Variants in DIP2C observed in about 807,000 individuals in gnomAD.
DIP2C encodes DIP2 acetate--CoA ligase C (putative), also known as disco-interacting protein 2 homolog C.
DIP2C carries 33 observed loss-of-function variants against 192.4 expected under a neutral mutation model. The observed-to-expected ratio is 0.17, with a 90% CI of 0.13 to 0.23. The LOEUF (loss-of-function observed/expected upper bound fraction) is 0.23, where lower values mean the gene tolerates loss of function less well. DIP2C is among the 10% of genes least tolerant of loss of function. The pLI, the probability that DIP2C is intolerant of heterozygous loss-of-function variation, is 1.00. For synonymous variants in DIP2C, 979 were observed against 864.1 expected, an observed-to-expected ratio of 1.13 and a Z score of -2.33; for missense variants, 1,537 against 2,110.1, an observed-to-expected ratio of 0.73 and a Z score of 5.32.
chr10:413,217 G>GA (rs562155392), intron 8 of DIP2C, among the ~76,000 whole-genome samples: 299 of 152,208 alleles, frequency 2.0e-3, no homozygotes, highest in African/African-American at 6.3e-3. Context: ...CTTATCCACA[G>GA]AAAAAAGAGA....
intron 4 of DIP2C, among the ~76,000 whole-genome samples, chr10:430,074 G>A (rs925470926): frequency 2.0e-5 from 3 of 152,150 alleles, no homozygotes; most frequent in Non-Finnish European, 4.4e-5. Flanking sequence ...TCTGGATTCT[G>A]GGCATTCTAA....
At chr10:282,897 C>G (rs1054313417) in intron 35 of DIP2C, among the ~76,000 whole-genome samples, 3 of 152,268 alleles carry the variant, frequency 2.0e-5, no homozygotes, top group Non-Finnish European at 4.4e-5. Flanking sequence ...GGGACAGCTT[C>G]TGTCTCAGAT....
intron 10 of DIP2C, among the ~76,000 whole-genome samples, 162 bp from the exon 11 acceptor site, chr10:391,025 C>T (rs1248322689): frequency 6.6e-6 from 1 of 152,144 alleles, no homozygotes; most frequent in Non-Finnish European, 1.5e-5. Flanking sequence ...ACAGGTGAGA[C>T]TGCATGGCCT....
At chr10:534,356 G>A (rs979230663) in intron 1 of DIP2C, among the ~76,000 whole-genome samples, 3 of 152,244 alleles carry the variant, frequency 2.0e-5, no homozygotes, top group African/African-American at 7.2e-5. Context: ...CAGGAGTTGG[G>A]CGGCAGGAGG....
chr10:387,211 C>G (rs2132923304), intron 14 of DIP2C, among the ~76,000 whole-genome samples: 1 of 152,286 alleles, frequency 6.6e-6, no homozygotes, highest in South Asian at 2.1e-4. Flanking sequence ...CCACGTGAGC[C>G]CTGGAAGGCT....
intron 28 of DIP2C, among the ~76,000 whole-genome samples, chr10:344,189 T>C (rs1958299085): frequency 6.6e-6 from 1 of 152,174 alleles, no homozygotes; most frequent in Admixed American, 6.5e-5. Context: ...AAGTAAATCA[T>C]CTTGATCTGA....
chr10:398,050 C>T (rs775875983), intron 10 of DIP2C, among the ~76,000 whole-genome samples: 10 of 152,130 alleles, frequency 6.6e-5, no homozygotes, highest in Non-Finnish European at 1.3e-4. Context: ...TGAAAGAAAT[C>T]GAAGTATTTT....
intron 1 of DIP2C, among the ~76,000 whole-genome samples, chr10:673,230 C>T (rs1221471323): frequency 1.3e-5 from 2 of 152,150 alleles, no homozygotes; most frequent in Non-Finnish European, 2.9e-5. Context: ...TTAGAGGCCA[C>T]GTGGTCTATA....
At chr10:555,905 A>AC (rs1246792998) in intron 1 of DIP2C, among the ~76,000 whole-genome samples, 12 of 151,860 alleles carry the variant, frequency 7.9e-5, no homozygotes, top group South Asian at 2.1e-4. Context: ...TTCCTGCATG[A>AC]CCTCCACTGT....
chr10:535,938 T>C (rs1243707241), intron 1 of DIP2C, among the ~76,000 whole-genome samples: 2 of 152,246 alleles, frequency 1.3e-5, no homozygotes, highest in East Asian at 1.9e-4. Flanking sequence ...TTCTCTCCCA[T>C]TGCTCCCGTA....
intron 29 of DIP2C, among the ~76,000 whole-genome samples, chr10:330,796 A>G (rs1361609943): frequency 1.4e-5 from 2 of 147,158 alleles, no homozygotes; most frequent in African/African-American, 2.5e-5. Flanking sequence ...ATGAGCCACC[A>G]TGCCCAACCT....
chr10:441,222 G>A, intron 3 of DIP2C: 2 of 509,840 alleles, frequency 3.9e-6, no homozygotes, highest in Non-Finnish European at 6.8e-6. Flanking sequence ...ATATCCATAA[G>A]CAAACACTGG....
intron 29 of DIP2C, among the ~76,000 whole-genome samples, chr10:340,506 A>G (rs1405429691): frequency 6.6e-6 from 1 of 152,190 alleles, no homozygotes; most frequent in African/African-American, 2.4e-5. Flanking sequence ...TGAAAACTAT[A>G]TGCCCAATGC....
At chr10:549,988 G>T (rs1419688659) in intron 1 of DIP2C, among the ~76,000 whole-genome samples, 1 of 149,246 alleles carries the variant, frequency 6.7e-6, no homozygotes, top group Non-Finnish European at 1.5e-5. Context: ...TCCTACAGAA[G>T]CAACAAGGGA....
At chr10:566,332 G>T (rs1010657231) in intron 1 of DIP2C, among the ~76,000 whole-genome samples, 1 of 152,214 alleles carries the variant, frequency 6.6e-6, no homozygotes, top group Non-Finnish European at 1.5e-5. Context: ...CCCTCGCGGG[G>T]TAACCGCACC....
intron 28 of DIP2C, 54 bp downstream of exon 28, chr10:344,755 C>G (rs1958347160): frequency 6.7e-7 from 1 of 1,484,800 alleles, no homozygotes; most frequent in African/African-American, 1.4e-5. Context: ...CCTGCCACCT[C>G]CAGCACGCTC....
chr10:580,727 CAT>C (rs778046477), intron 1 of DIP2C, among the ~76,000 whole-genome samples: 5 of 151,984 alleles, frequency 3.3e-5, no homozygotes, highest in Non-Finnish European at 5.9e-5. Flanking sequence ...TCCAGTTCCA[CAT>C]AATTTTTTTT....
intron 1 of DIP2C, among the ~76,000 whole-genome samples, chr10:627,713 C>T (rs1017537553): frequency 1.8e-4 from 27 of 152,248 alleles, no homozygotes; most frequent in African/African-American, 4.3e-4. Flanking sequence ...CGTTGAGGGC[C>T]GTGCACGCAA....
rs1963114708 is a variant in DIP2C at position 387,931 on chromosome 10, C to T, written c.1598-122G>A. 1.1e-5 allele frequency: 13 copies of T among 1,170,208 alleles called. No homozygotes were observed. The Admixed American group carries it at 1.3e-4, about 12-fold the overall frequency. The allele number at this position is 1,170,208 out of a possible 1,614,324, so 72.5% of individuals were successfully genotyped here. A position where few individuals can be genotyped will look rare whatever the true frequency, so the allele number is the denominator to read the frequency against. On this transcript the variant is annotated intron_variant, in intron 13 of 36. Transcript: ENST00000280886. ...AGATCTTGGGAAAATATCATTTTGC[C>T]GTATCTTGGTGGAAATTCTGTAGAC...
Sources: gnomAD v4.1 joint callset for allele counts (sites outside exome capture counted in the v4.1 genomes callset) on GRCh38, gnomAD v4.1.1 for gene constraint, MANE v1.5 for transcripts, NCBI Gene and HGNC (gene_info 2026-07-23, HGNC 2026-07-21) for gene names.